FCHSD2: variants seen among roughly 807,000 people sequenced by gnomAD.
The protein encoded by FCHSD2 is FCH and double SH3 domains 2.
A neutral mutation model predicts 108.1 loss-of-function variants in FCHSD2; 38 were observed. The observed-to-expected ratio is 0.35, with a 90% CI of 0.27 to 0.46. The LOEUF (loss-of-function observed/expected upper bound fraction) is 0.46, where lower values mean the gene tolerates loss of function less well. Among genes scored for constraint, FCHSD2 ranks in the 20% least tolerant of loss-of-function variants. The pLI, the probability that FCHSD2 is intolerant of heterozygous loss-of-function variation, is 1.00. For synonymous variants in FCHSD2, 279 were observed against 314.7 expected, an observed-to-expected ratio of 0.89 and a Z score of 1.20; for missense variants, 751 against 897.8, an observed-to-expected ratio of 0.84 and a Z score of 2.09.
At chr11:72,856,429 C>A (rs559331945) in intron 13 of FCHSD2, among the ~76,000 whole-genome samples, 29 of 152,288 alleles carry the variant, frequency 1.9e-4, no homozygotes, top group African/African-American at 7.0e-4. Context: ...TTGCCTAATA[C>A]AATTCTATAG....
At chr11:73,123,090 A>T (rs1180707807) in intron 2 of FCHSD2, among the ~76,000 whole-genome samples, 1 of 152,218 alleles carries the variant, frequency 6.6e-6, no homozygotes, top group Admixed American at 6.5e-5. Context: ...ATTAACATGA[A>T]CTATATATAC....
chr11:73,058,603 T>C (rs1187283228), intron 3 of FCHSD2, among the ~76,000 whole-genome samples: 2 of 151,892 alleles, frequency 1.3e-5, no homozygotes, highest in Non-Finnish European at 1.5e-5. Context: ...TTTCCTTTTT[T>C]TTTTTTTTTT....
chr11:73,039,683 T>C (rs1858586595), intron 3 of FCHSD2, among the ~76,000 whole-genome samples: 1 of 152,190 alleles, frequency 6.6e-6, no homozygotes, highest in East Asian at 1.9e-4. Flanking sequence ...AAAAACTTCC[T>C]AAATTCACAG....
chr11:73,083,568 A>C lies in FCHSD2; in HGVS notation c.165+127T>G, dbSNP rs141677196. 1.6e-3 allele frequency: 1,019 copies of C among 642,462 alleles called. 6 individuals carry two copies. The East Asian group carries it at 0.021, about 13-fold the overall frequency. The allele number at this position is 642,462 out of a possible 1,614,324, so 39.8% of individuals were successfully genotyped here. ...ATCTCAGAAAAAAAGAAAAAAAAAA[A>C]AACAAGAAAGAAATAACAAGAAAAG... On this transcript the variant is annotated intron_variant, in intron 3 of 19. Transcript: ENST00000409418.
chr11:72,902,779 G>T (rs752848743), intron 9 of FCHSD2, 141 bp from the exon 10 acceptor site: 2 of 552,696 alleles, frequency 3.6e-6, no homozygotes, highest in African/African-American at 1.9e-5. Flanking sequence ...ATGGTGTTAC[G>T]CATTTTATTT....
intron 2 of FCHSD2, among the ~76,000 whole-genome samples, chr11:73,085,864 C>G (rs938781514): frequency 4.6e-5 from 7 of 152,092 alleles, no homozygotes; most frequent in African/African-American, 1.7e-4. Context: ...CAACAAAAAT[C>G]ACAAGGCATG....
intron 2 of FCHSD2, among the ~76,000 whole-genome samples, chr11:73,093,615 T>G (rs1244458155): frequency 6.6e-6 from 1 of 151,976 alleles, no homozygotes; most frequent in Non-Finnish European, 1.5e-5. Context: ...TTTCTTTTTT[T>G]TTTGAGACCG....
In FCHSD2 at chr11:72,918,717, G is replaced by A. The variant is rs567665031; in HGVS notation, c.828+3111C>T. ...ACAAATTAATTTTCAAATAAATGTA[G>A]AATAACATTGTTATTTTCTGAATTC... On this transcript the variant is annotated intron_variant, in intron 9 of 19. Transcript: ENST00000409418. 6.6e-5 allele frequency among the ~76,000 whole-genome samples: 10 copies of A among 152,160 alleles called. No homozygotes were observed. The East Asian group carries it at 1.3e-3, about 21-fold the overall frequency.
intron 9 of FCHSD2, among the ~76,000 whole-genome samples, chr11:72,916,007 G>A (rs910480987): frequency 6.6e-6 from 1 of 152,148 alleles, no homozygotes; most frequent in Non-Finnish European, 1.5e-5. Context: ...GTAAGTGGGA[G>A]CTAAATTATG....
intron 2 of FCHSD2, among the ~76,000 whole-genome samples, chr11:73,133,142 T>C (rs1026654319): frequency 1.2e-4 from 18 of 152,210 alleles, no homozygotes; most frequent in African/African-American, 4.3e-4. Context: ...CGTGGAGAAA[T>C]AGGACCCATC....
chr11:72,910,558 T>C (rs903558415), intron 9 of FCHSD2, among the ~76,000 whole-genome samples: 15 of 152,174 alleles, frequency 9.9e-5, no homozygotes, highest in Non-Finnish European at 1.6e-4. Context: ...ATGTGCTCTG[T>C]CAACTCAGGG....
chr11:72,938,179 T>A (rs1321279915), intron 8 of FCHSD2, among the ~76,000 whole-genome samples: 5 of 88 alleles, frequency 0.057, no homozygotes, highest in African/African-American at 0.15. Context: ...TGAAGGAGTT[T>A]TTTTTTTTTT....
At chr11:72,883,767 C>CA (rs1193575565) in intron 12 of FCHSD2, among the ~76,000 whole-genome samples, 1 of 151,714 alleles carries the variant, frequency 6.6e-6, no homozygotes, top group African/African-American at 2.4e-5. Flanking sequence ...CCCATCTCTA[C>CA]AAAAAAATAG....
At chr11:72,909,982 A>G (rs1428760282) in intron 9 of FCHSD2, among the ~76,000 whole-genome samples, 11 of 89,908 alleles carry the variant, frequency 1.2e-4, no homozygotes, top group East Asian at 3.7e-4. Flanking sequence ...GGTGAGGAGC[A>G]CCTCTGCCCG....
At chr11:73,099,577 TA>T (rs1248460745) in intron 2 of FCHSD2, among the ~76,000 whole-genome samples, 1 of 152,100 alleles carries the variant, frequency 6.6e-6, no homozygotes, top group Non-Finnish European at 1.5e-5. Flanking sequence ...AATGGATAAA[TA>T]AAATGTGGTA....
Position 72,899,675 on chromosome 11 carries a change from G to A in FCHSD2, c.924+2868C>T, listed in dbSNP as rs148936091. ...CTGCTCGAGCCCAGGAGGTTGAGGC[G>A]CAGTGAGCCGTGATTATGCCATTGC... On this transcript the variant is annotated intron_variant, in intron 10 of 19. Coordinates refer to ENST00000409418, the MANE Select transcript of FCHSD2 (RefSeq NM_014824.3). Among the ~76,000 whole-genome samples, 556 of 143,524 alleles carry A rather than the reference G, an allele frequency of 3.9e-3. 3 individuals carry two copies. The highest frequency in any genetic ancestry group is 0.014 in the African/African-American group (524 of 38,608). The allele number at this position is 143,524 out of a possible 152,430, so 94.2% of individuals were successfully genotyped here. A position where few individuals can be genotyped will look rare whatever the true frequency, so the allele number is the denominator to read the frequency against.
At chr11:72,841,159 C>A (rs575993117) in intron 18 of FCHSD2, among the ~76,000 whole-genome samples, 200 bp from the exon 19 acceptor site, 1 of 151,592 alleles carries the variant, frequency 6.6e-6, no homozygotes, top group Admixed American at 6.6e-5. Flanking sequence ...CAGAATAATA[C>A]CCTTTGTCCA....
intron 10 of FCHSD2, chr11:72,900,283 T>C: frequency 2.3e-6 from 3 of 1,328,506 alleles, no homozygotes; most frequent in Non-Finnish European, 3.0e-6. Flanking sequence ...CTCAGAGCAC[T>C]GACAGGGGAG....
At chr11:73,040,919 C>T (rs1242867407) in intron 3 of FCHSD2, among the ~76,000 whole-genome samples, 1 of 152,138 alleles carries the variant, frequency 6.6e-6, no homozygotes. Context: ...TCATTCTACT[C>T]TCAATCTCCA....
Sources: allele counts gnomAD v4.1 joint callset (sites outside exome capture counted in the v4.1 genomes callset), GRCh38; gene constraint gnomAD v4.1.1; transcripts MANE v1.5; gene names NCBI Gene and HGNC (gene_info 2026-07-23, HGNC 2026-07-21).